DLL1: variants seen among roughly 807,000 people sequenced by gnomAD.
DLL1 encodes delta like canonical Notch ligand 1, also known as delta-like protein 1.
DLL1 carries 9 observed loss-of-function variants against 75.1 expected under a neutral mutation model. That is an observed-to-expected ratio of 0.12 (90% CI 0.07 to 0.21). The LOEUF (loss-of-function observed/expected upper bound fraction) is 0.21. DLL1 is among the 10% of genes least tolerant of loss of function. The probability of loss-of-function intolerance (pLI) is 1.00; values close to 1 mark genes in which losing one functional copy is unlikely to be tolerated. For missense variants in DLL1, 837 were observed against 1,007.6 expected, an observed-to-expected ratio of 0.83 and a Z score of 2.29; for synonymous variants, 477 against 418.3, an observed-to-expected ratio of 1.14 and a Z score of -1.71.
chr6:170,288,618 C>A (rs1767882971), intron 3 of DLL1, 111 bp downstream of exon 3: 13 of 1,609,368 alleles, frequency 8.1e-6, no homozygotes, highest in South Asian at 1.1e-5. Context: ...CCTGAACTTT[C>A]TGGGGCACGT....
intron 2 of DLL1, 37 bp from the exon 3 acceptor site, chr6:170,288,826 A>C (rs762355042): frequency 5.0e-6 from 8 of 1,612,460 alleles, no homozygotes; most frequent in Non-Finnish European, 5.9e-6. Flanking sequence ...ACAACCCAGA[A>C]AGGTAACGAA....
At position 170,282,685 on chromosome 6, in the gene DLL1, C is replaced by T. The variant is rs996871094; in HGVS notation, c.*189G>A. 35 of 864,778 alleles carry T rather than the reference C, an allele frequency of 4.0e-5. No homozygotes were observed. Among genetic ancestry groups the T allele is most frequent in the Admixed American group, 8.0e-5 (4 of 50,090 alleles). 53.6% of individuals were successfully genotyped at this position (864,778 alleles called of 1,614,324 possible). A position where few individuals can be genotyped will look rare whatever the true frequency, so the allele number is the denominator to read the frequency against. On this transcript the variant is annotated 3_prime_UTR_variant, in exon 11 of 11. Transcript: ENST00000366756. ...ACGTCACGGAAGGCAGTGCCGCAGG[C>T]GGCCGGGCCGCGACAGGCTGTCGGC... is the stretch of plus-strand genomic sequence containing the variant.
intron 3 of DLL1, 97 bp downstream of exon 3, chr6:170,288,632 G>C: frequency 6.2e-7 from 1 of 1,607,980 alleles, no homozygotes; most frequent in South Asian, 1.1e-5. Context: ...GGCACGTGCA[G>C]AATGAAAGCT....
Position 170,283,674 on chromosome 6 carries a change from C to G in DLL1, c.1605G>C (p.Lys535Asn). 6.3e-7 allele frequency: 1 copy of G among 1,574,916 alleles called. No homozygotes were observed. Among genetic ancestry groups the G allele is most frequent in the Non-Finnish European group, 8.6e-7 (1 of 1,160,338 alleles). ...GGAATGGCCCGCCCTGGCCCTCTAG[C>G]TTCTCAGTGAGGTCCACCACCGCTG... ...PGPAVVDLTE[K>N]LEGQGGPFPW... The change falls in exon 9 of 11, where the codon AAG (lysine) becomes AAC (asparagine). Residue 535 changes from lysine (K) to asparagine (N), a missense_variant. By Grantham distance (94) the Lys-to-Asn change is moderately conservative. This residue lies in a region of DLL1 where 533 missense variants were observed against 545.7 expected (regional missense o/e 0.98). Transcript: ENST00000366756.
At position 170,283,243 on chromosome 6, in the gene DLL1, G is replaced by C; in HGVS notation, c.2036C>G (p.Thr679Ser). The C allele has an allele frequency of 6.2e-7, 1 of 1,612,678 alleles. No homozygotes were observed. Among genetic ancestry groups the C allele is most frequent in the Non-Finnish European group, 8.5e-7 (1 of 1,179,854 alleles). ...CCGCAGCACGCACCCCCTGAGTGTG[G>C]TCGGGGTCCCCTTCTCCTCCCCTGA... Reference protein sequence around the residue: ...GSSGEEKGTPTTLRGGEASER... With the variant: ...GSSGEEKGTPSTLRGGEASER... The change falls in exon 9 of 11, where the codon ACC (threonine) becomes AGC (serine). Residue 679 changes from threonine (T) to serine (S), a missense_variant. Transcript: ENST00000366756.
In DLL1 at chr6:170,288,355, C is replaced by G; in HGVS notation, c.554G>C (p.Gly185Ala). 6.2e-7 allele frequency: 1 copy of G among 1,614,112 alleles called. No homozygotes were observed. The highest frequency in any genetic ancestry group is 8.5e-7 in the Non-Finnish European group (1 of 1,180,058). Residue 185 changes from glycine (G) to alanine (A), a missense_variant, in exon 4 of 11, where the codon GGA becomes GCA. By Grantham distance (60) the Gly-to-Ala change is moderately conservative (BLOSUM62 0). Transcript: ENST00000366756. ...YRFVCDEHYY[G>A]EGCSVFCRPR... ...ACGGCAGAAAACGGAGCAGCCCTCT[C>G]CGTAGTAGTGTTCGTCACACACGAA...
At chr6:170,285,186 C>T (rs1456649695) in intron 7 of DLL1, 51 bp from the exon 8 acceptor site, 2 of 1,613,724 alleles carry the variant, frequency 1.2e-6, no homozygotes, top group Admixed American at 3.3e-5. Context: ...TCCAAGGAGC[C>T]CACACACTCC....
Position 170,283,078 on chromosome 6 carries a change from C to A in DLL1, c.2076G>T (p.Pro692=), listed in dbSNP as rs75652420. The A allele has an allele frequency of 1.4e-5, 23 of 1,613,978 alleles. No homozygotes were observed. The highest frequency in any genetic ancestry group is 1.9e-5 in the Non-Finnish European group (23 of 1,180,056). ...RGGEASERKR[P]DSGCSTSKDT... ...CTTTTGAAGTTGAACAGCCCGAGTCCGGCCTTTTTCTTTCAGATGCTTCTC... is the reference window on the plus strand; with the variant it reads ...CTTTTGAAGTTGAACAGCCCGAGTCAGGCCTTTTTCTTTCAGATGCTTCTC... The change falls in exon 10 of 11, where the codon CCG becomes CCT. Residue 692 remains proline, a synonymous_variant. Transcript: ENST00000366756.
In DLL1 at chr6:170,283,817, C is replaced by G. The variant is rs768701175; in HGVS notation, c.1462G>C (p.Ala488Pro). The change falls in exon 9 of 11, where the codon GCA becomes CCA. Residue 488 changes from alanine (A) to proline (P), a missense_variant. This residue lies in a region of DLL1 where 533 missense variants were observed against 545.7 expected (regional missense o/e 0.98). Transcript: ENST00000366756. ...CSAPVSRCEH[A>P]PCHNGATCHE... The stretch of plus-strand genomic sequence containing the variant: ...CAGGTGGCCCCATTGTGGCAGGGTG[C>G]GTGCTCGCACCTGCTGACGGGGGCA... 1.3e-6 allele frequency: 2 copies of G among 1,590,018 alleles called. No individual in the cohort carries two copies. Among genetic ancestry groups the G allele is most frequent in the East Asian group, 2.3e-5 (1 of 43,340 alleles).
At chr6:170,288,089 T>G in intron 4 of DLL1, 150 bp downstream of exon 4, 1 of 1,187,556 alleles carries the variant, frequency 8.4e-7, no homozygotes, top group Non-Finnish European at 1.2e-6. Flanking sequence ...AGCTGTGACT[T>G]ATAGCAATCC....
At position 170,290,164 on chromosome 6, in the gene DLL1, T is replaced by A. The variant is rs1583158409; in HGVS notation, c.-25A>T. On this transcript the variant is annotated 5_prime_UTR_variant, in exon 1 of 11. Transcript: ENST00000366756. The surrounding 1 kb of genome is among the most constrained non-coding windows in gnomAD (Gnocchi z 4.7). ...TGCTGCTTCGCTCCACGCGCGAGCC[T>A]GGGGGGCCCCCACTTCTCTCCTTAG... 1 of 1,588,014 alleles carries A rather than the reference T, an allele frequency of 6.3e-7. No individual in the cohort carries two copies. Among genetic ancestry groups the A allele is most frequent in the Non-Finnish European group, 8.5e-7 (1 of 1,175,116 alleles).
At chr6:170,289,333 G>C in intron 2 of DLL1, 179 bp downstream of exon 2, 1 of 1,050,848 alleles carries the variant, frequency 9.5e-7, no homozygotes, top group Non-Finnish European at 1.4e-6. Context: ...GCCCCGGGGC[G>C]AGGTGTCCGC....
intron 2 of DLL1, chr6:170,289,060 G>T: frequency 1.7e-6 from 1 of 597,974 alleles, no homozygotes; most frequent in South Asian, 2.0e-5. Context: ...GAGAGAGAGA[G>T]AGAATGCAGG....
Position 170,285,408 on chromosome 6 carries a change from G to T in DLL1, c.878C>A (p.Thr293Lys). 6 of 1,614,208 alleles carry T rather than the reference G, an allele frequency of 3.7e-6. No individual in the cohort carries two copies. The highest frequency in any genetic ancestry group is 5.1e-6 in the Non-Finnish European group (6 of 1,180,038). Residue 293 changes from threonine to lysine, a missense_variant, in exon 7 of 11, where the codon ACA becomes AAA. By Grantham distance (78) the Thr-to-Lys change is moderately conservative (BLOSUM62 -1). Around this residue, in one of 2 missense-constraint regions of DLL1, gnomAD observed 304 missense variants for 461.9 expected, o/e 0.66. Coordinates refer to ENST00000366756, the MANE Select transcript of DLL1 (RefSeq NM_005618.4). ...TCCATTCTTGCAGGGCTTATGGTGT[G>T]TGCAGTAGTTCAGGTCTGTGAAGGG... is the stretch of plus-strand genomic sequence containing the variant. The part of the protein sequence containing the change: ...LFCNQDLNYC[T>K]HHKPCKNGAT...
At position 170,285,306 on chromosome 6, in the gene DLL1, A is replaced by G. The variant is rs1164787878; in HGVS notation, c.980T>C (p.Leu327Pro). The change falls in exon 7 of 11, where the codon CTG becomes CCG. Residue 327 changes from leucine to proline, a missense_variant. By Grantham distance (98) the Leu-to-Pro change is moderately conservative. Coordinates refer to ENST00000366756, the MANE Select transcript of DLL1 (RefSeq NM_005618.4). ...GCTGGGGTCACACTCGTCAATCCCC[A>G]GCTCGCAGGTGGCACCTGTGTACCC... ...RPGYTGATCELGIDECDPSPC... is the reference protein window; with the variant it reads ...RPGYTGATCEPGIDECDPSPC... 6.2e-7 allele frequency: 1 copy of G among 1,614,084 alleles called. No homozygotes were observed. The highest frequency in any genetic ancestry group is 2.2e-5 in the East Asian group (1 of 44,872).
Position 170,289,682 on chromosome 6 carries a change from G to A in DLL1, c.181C>T (p.Arg61Cys). The change falls in exon 2 of 11, where the codon CGC becomes TGC. Residue 61 changes from arginine to cysteine, a missense_variant. Physicochemically the swap from Arg to Cys is radical, Grantham distance 180 (BLOSUM62 -3). Around this residue, in one of 2 missense-constraint regions of DLL1, gnomAD observed 304 missense variants for 461.9 expected, o/e 0.66. Transcript: ENST00000366756. Reference protein sequence around the residue: ...PPPCACRTFFRVCLKHYQASV... With the variant: ...PPPCACRTFFCVCLKHYQASV... ...GCCTGGTAGTGCTTGAGGCACACGC[G>A]GAAGAAGGTCCGGCAGGCGCACGGC... 6.5e-7 allele frequency: 1 copy of A among 1,546,030 alleles called. No homozygotes were observed. Among genetic ancestry groups the A allele is most frequent in the South Asian group, 1.2e-5 (1 of 84,006 alleles).
At position 170,290,163 on chromosome 6, in the gene DLL1, C is replaced by T; in HGVS notation, c.-24G>A. ...ATGCTGCTTCGCTCCACGCGCGAGC[C>T]TGGGGGGCCCCCACTTCTCTCCTTA... On this transcript the variant is annotated 5_prime_UTR_variant, in exon 1 of 11. Transcript: ENST00000366756. The surrounding 1 kb of genome is among the most constrained non-coding windows in gnomAD (Gnocchi z 4.7). 1 of 1,588,622 alleles carries T rather than the reference C, an allele frequency of 6.3e-7. No individual in the cohort carries two copies. The highest frequency in any genetic ancestry group is 8.5e-7 in the Non-Finnish European group (1 of 1,175,430).
At position 170,290,444 on chromosome 6, in the gene DLL1, A is replaced by C. The variant is rs1446387803; in HGVS notation, c.-305T>G. On this transcript the variant is annotated 5_prime_UTR_variant, in exon 1 of 11. Coordinates refer to ENST00000366756, the MANE Select transcript of DLL1 (RefSeq NM_005618.4). The surrounding 1 kb of genome is among the most constrained non-coding windows in gnomAD (Gnocchi z 4.7). ...TTTTCCTCCTTCCTCCCAGCCCCCG[A>C]GGAGGTGAGGGTCGCCGGCTTCCTG... is the stretch of plus-strand genomic sequence containing the variant. 2.7e-6 allele frequency: 1 copy of C among 365,284 alleles called. No homozygotes were observed. Among genetic ancestry groups the C allele is most frequent in the Non-Finnish European group, 4.9e-6 (1 of 204,856 alleles). 22.6% of individuals were successfully genotyped at this position (365,284 alleles called of 1,614,324 possible).
chr6:170,284,519 G>A (rs1296440937), intron 8 of DLL1, among the ~76,000 whole-genome samples: 1 of 152,220 alleles, frequency 6.6e-6, no homozygotes, highest in Admixed American at 6.5e-5. Context: ...GCCCCTCGCT[G>A]CTAGCAGGAG....
Sources: allele counts gnomAD v4.1 joint callset (sites outside exome capture counted in the v4.1 genomes callset), GRCh38; gene constraint gnomAD v4.1.1; regional missense constraint gnomAD v4.1.1; non-coding constraint Gnocchi (gnomAD v3.1); transcripts MANE v1.5; gene names NCBI Gene and HGNC (gene_info 2026-07-23, HGNC 2026-07-21).